ITSN2: variants seen among roughly 807,000 people sequenced by gnomAD.
ITSN2 encodes the protein intersectin-2.
ITSN2 carries 156 observed loss-of-function variants against 243.7 expected under a neutral mutation model. The observed-to-expected ratio is 0.64, with a 90% CI of 0.56 to 0.73. The LOEUF (loss-of-function observed/expected upper bound fraction) is 0.73, where lower values mean the gene tolerates loss of function less well. Ranked by LOEUF, ITSN2 falls within the 30% of genes least tolerant of loss-of-function variation. ITSN2 has a pLI of 0.00. For synonymous variants in ITSN2, 703 were observed against 699.9 expected, an observed-to-expected ratio of 1.00 and a Z score of -0.07; for missense variants, 1,801 against 1,996.1, an observed-to-expected ratio of 0.90 and a Z score of 1.86.
At position 24,209,485 on chromosome 2, in the gene ITSN2, T is replaced by C. The variant is rs1573857081; in HGVS notation, c.4474-264A>G. On this transcript the variant is annotated intron_variant, in intron 35 of 39. Coordinates refer to ENST00000355123, the MANE Select transcript of ITSN2 (RefSeq NM_006277.3). ...AGCTCCAAGCGCCCATGACGGCTGG[T>C]GCAAAAGGCTCTCTGCTAGCAACGC... Among the ~76,000 whole-genome samples, 4 of 152,234 alleles carry C rather than the reference T, an allele frequency of 2.6e-5. No homozygotes were observed. In the South Asian group the frequency reaches 8.3e-4, roughly 32 times the overall value.
In ITSN2 at chr2:24,293,746, T is replaced by C; in HGVS notation, c.1665A>G (p.Val555=). ...TTTCATTTAATAATTGCTTCTCAGG[T>C]ACCAGATAGATAAGCTTATTCTGAT... is the stretch of plus-strand genomic sequence containing the variant. ...QEYQNKLIYL[V]PEKQLLNERI... Residue 555 remains valine (V), a synonymous_variant, in exon 15 of 40, where the codon GTA becomes GTG. Coordinates refer to ENST00000355123, the MANE Select transcript of ITSN2 (RefSeq NM_006277.3). 4 of 1,182,038 alleles carry C rather than the reference T, an allele frequency of 3.4e-6. No individual in the cohort carries two copies. The East Asian group carries it at 7.9e-5, about 23-fold the overall frequency. 73.2% of individuals were successfully genotyped at this position (1,182,038 alleles called of 1,614,324 possible). A position where few individuals can be genotyped will look rare whatever the true frequency, so the allele number is the denominator to read the frequency against.
In ITSN2 at chr2:24,241,223, G is replaced by A. The variant is rs201853200; in HGVS notation, c.3577+4906C>T. 15 of 152,300 alleles carry A rather than the reference G, an allele frequency of 9.8e-5. No individual in the cohort carries two copies. The East Asian group carries it at 2.9e-3, about 29-fold the overall frequency. 9.4% of individuals were successfully genotyped at this position (152,300 alleles called of 1,614,324 possible). ...AGTGCCCCTTTGTATACTGGGACAT[G>A]TAGTCACCTGATTAAAACAGGTAAC... On this transcript the variant is annotated intron_variant, in intron 29 of 39. Coordinates refer to ENST00000355123, the MANE Select transcript of ITSN2 (RefSeq NM_006277.3).
At chr2:24,361,125 C>A (rs560700027), upstream of ITSN2, among the ~76,000 whole-genome samples, 10 of 152,308 alleles carry the variant, frequency 6.6e-5, no homozygotes, top group African/African-American at 2.4e-4. Context: ...CCATAACACA[C>A]GCGGAGCGCC....
intron 2 of ITSN2, among the ~76,000 whole-genome samples, chr2:24,322,281 G>C (rs763355663): frequency 1.3e-5 from 2 of 152,164 alleles, no homozygotes; most frequent in African/African-American, 4.8e-5. Context: ...TGCTATCACT[G>C]TTTATCAGAG....
intron 1 of ITSN2, among the ~76,000 whole-genome samples, chr2:24,346,694 A>G (rs943958409): frequency 1.3e-5 from 2 of 152,110 alleles, no homozygotes; most frequent in African/African-American, 4.8e-5. Context: ...ACTCTGTTCT[A>G]CTCGCTCCAT....
intron 25 of ITSN2, among the ~76,000 whole-genome samples, chr2:24,251,035 C>A (rs1007341871): frequency 1.3e-4 from 20 of 151,402 alleles, no homozygotes; most frequent in African/African-American, 4.9e-4. Flanking sequence ...ACTGAAAATA[C>A]AAAAATTAGC....
chr2:24,312,284 G>A lies in ITSN2; in HGVS notation c.280C>T (p.Gln94Ter). 6.2e-7 allele frequency: 1 copy of A among 1,613,764 alleles called. No individual in the cohort carries two copies. Among genetic ancestry groups the A allele is most frequent in the Non-Finnish European group, 8.5e-7 (1 of 1,179,772 alleles). ...KLIKLKLQGQ[Q>*]LPVVLPPIMK... is the part of the protein sequence containing the mutation. ...ATAGGAGGGAGAACCACAGGCAACT[G>A]TTGGCCTTGAAGCTTCAGTTTGATG... The change falls in exon 5 of 40, where the codon CAG (glutamine) becomes TAG (stop). Residue 94 changes from glutamine to a stop codon, truncating the protein, a stop_gained. Coordinates refer to ENST00000355123, the MANE Select transcript of ITSN2 (RefSeq NM_006277.3). LOFTEE classifies it high-confidence loss of function.
chr2:24,280,791 C>T (rs1414512425), intron 17 of ITSN2, among the ~76,000 whole-genome samples: 1 of 152,160 alleles, frequency 6.6e-6, no homozygotes, highest in Non-Finnish European at 1.5e-5. Flanking sequence ...TCACTCACCT[C>T]ACTATTCTCT....
chr2:24,313,710 A>G (rs995802694), intron 3 of ITSN2, among the ~76,000 whole-genome samples, 187 bp from the exon 4 acceptor site: 5 of 152,252 alleles, frequency 3.3e-5, no homozygotes, highest in Non-Finnish European at 7.3e-5. Flanking sequence ...TTTTAAAACA[A>G]AAGTCACATC....
At chr2:24,328,424 A>T (rs140262915) in intron 1 of ITSN2, among the ~76,000 whole-genome samples, 1 of 152,286 alleles carries the variant, frequency 6.6e-6, no homozygotes, top group East Asian at 1.9e-4. Flanking sequence ...AAAATAAATC[A>T]ACTGTATAAA....
At chr2:24,306,532 A>G (rs1003340661) in intron 8 of ITSN2, among the ~76,000 whole-genome samples, 1 of 152,204 alleles carries the variant, frequency 6.6e-6, no homozygotes, top group Middle Eastern at 3.2e-3. Flanking sequence ...AGGTATCAGC[A>G]GTTCATTTGG....
chr2:24,204,080 C>A lies in ITSN2; in HGVS notation c.4936+165G>T. 1 of 698,110 alleles carries A rather than the reference C, an allele frequency of 1.4e-6. No individual in the cohort carries two copies. The highest frequency in any genetic ancestry group is 2.4e-6 in the Non-Finnish European group (1 of 416,016). The allele number at this position is 698,110 out of a possible 1,614,324, so 43.2% of individuals were successfully genotyped here. On this transcript the variant is annotated intron_variant, in intron 39 of 39. Transcript: ENST00000355123. The surrounding 1 kb of genome is among the most constrained non-coding windows in gnomAD (Gnocchi z 5.1). ...TGAAACACATCTCAGGCCACCTCCT[C>A]CCCTGAGGAAGGCCACCCACCTGCT...
chr2:24,293,243 A>T (rs1680499982), intron 15 of ITSN2: 1 of 152,716 alleles, frequency 6.5e-6, no homozygotes, highest in African/African-American at 2.4e-5. Flanking sequence ...GGGTCTGGGC[A>T]GAGCATACCA....
At chr2:24,344,568 T>C (rs1301553713) in intron 1 of ITSN2, among the ~76,000 whole-genome samples, 1 of 152,236 alleles carries the variant, frequency 6.6e-6, no homozygotes, top group Non-Finnish European at 1.5e-5. Context: ...TATTCATTTA[T>C]TTTGCCCATT....
At chr2:24,360,927 C>T (rs2151971943), upstream of ITSN2, among the ~76,000 whole-genome samples, 1 of 152,388 alleles carries the variant, frequency 6.6e-6, no homozygotes, top group South Asian at 2.1e-4. Flanking sequence ...CTGGAACCTT[C>T]TCACTCGCCG....
At position 24,216,247 on chromosome 2, in the gene ITSN2, C is replaced by T. The variant is rs1241022604; in HGVS notation, c.3807-15G>A. 4 of 1,562,850 alleles carry T rather than the reference C, an allele frequency of 2.6e-6. No individual in the cohort carries two copies. The highest frequency in any genetic ancestry group is 1.4e-5 in the African/African-American group (1 of 72,902). ...CCCGCAAAGCCCTGCCAAGAACACACTCTCATTTTGTGTTTCTAAGTGAAT... is the reference window on the plus strand; with the variant it reads ...CCCGCAAAGCCCTGCCAAGAACACATTCTCATTTTGTGTTTCTAAGTGAAT... On this transcript the variant is annotated splice_polypyrimidine_tract_variant and intron_variant, in intron 31 of 39. Coordinates refer to ENST00000355123, the MANE Select transcript of ITSN2 (RefSeq NM_006277.3).
At chr2:24,248,917 T>C (rs750473985) in intron 25 of ITSN2, 35 bp from the exon 26 acceptor site, 31 of 1,583,622 alleles carry the variant, frequency 2.0e-5, no homozygotes, top group Non-Finnish European at 2.5e-5. Flanking sequence ...TTTTATTATT[T>C]CCAACAATCC....
chr2:24,286,479 A>C (rs751264221), intron 15 of ITSN2, 128 bp from the exon 16 acceptor site: 1 of 643,058 alleles, frequency 1.6e-6, no homozygotes, highest in Non-Finnish European at 2.7e-6. Flanking sequence ...AATGCAGACC[A>C]GTACAAGAGA....
intron 1 of ITSN2, among the ~76,000 whole-genome samples, chr2:24,337,315 AATATAT>A (rs201712131): frequency 0.03 from 967 of 32,020 alleles, 116 homozygotes; most frequent in East Asian, 0.26. Flanking sequence ...GTATACACAA[AATATAT>A]ATATATATAT....
Sources: allele counts gnomAD v4.1 joint callset (sites outside exome capture counted in the v4.1 genomes callset), GRCh38; gene constraint gnomAD v4.1.1; non-coding constraint Gnocchi (gnomAD v3.1); transcripts MANE v1.5; gene names NCBI Gene and HGNC (gene_info 2026-07-23, HGNC 2026-07-21).